FCGR2B: variants seen among roughly 807,000 people sequenced by gnomAD.
FCGR2B encodes the protein Fc gamma receptor IIb, also known as low affinity immunoglobulin gamma Fc region receptor II-b.
FCGR2B carries 18 observed loss-of-function variants against 24.8 expected under a neutral mutation model. That is an observed-to-expected ratio of 0.73 (90% CI 0.50 to 1.08). The LOEUF (loss-of-function observed/expected upper bound fraction) is 1.08. Ranked by LOEUF, FCGR2B falls within the 50% of genes least tolerant of loss-of-function variation. FCGR2B has a pLI of 0.00. For synonymous variants in FCGR2B, 79 were observed against 109.8 expected (o/e 0.72, Z 1.75); for missense variants, 215 against 297.6 (o/e 0.72, Z 2.04).
chr1:161,673,156 T>G lies in FCGR2B; in HGVS notation c.573T>G (p.Ser191Arg), dbSNP rs1172015720. 1 of 1,612,162 alleles carries G rather than the reference T, an allele frequency of 6.2e-7. No individual in the cohort carries two copies. The change falls in exon 4 of 8, where the codon AGT (serine) becomes AGG (arginine). Residue 191 changes from serine (S) to arginine (R), a missense_variant. Around this residue, in one of 5 missense-constraint regions of FCGR2B, gnomAD observed 16 missense variants for 46.6 expected, o/e 0.34. Coordinates refer to ENST00000358671, the MANE Select transcript of FCGR2B (RefSeq NM_001394477.1). Reference sequence around the variant, plus strand: ...TCCCACAAGCAAACCACAGTCACAGTGGTGATTACCACTGCACAGGAAACA... The same window carrying G: ...TCCCACAAGCAAACCACAGTCACAGGGGTGATTACCACTGCACAGGAAACA... ...FSIPQANHSH[S>R]GDYHCTGNIG...
chr1:161,677,299 C>G (rs1053234561), intron 6 of FCGR2B, 29 bp from the exon 7 acceptor site: 32 of 1,612,180 alleles, frequency 2.0e-5, no homozygotes, highest in Non-Finnish European at 2.6e-5. Flanking sequence ...CAGCAGTGCT[C>G]TGGCTGATAT....
At chr1:161,649,709 C>T in the FCGR2B span, among the ~76,000 whole-genome samples, 5 of 149,860 alleles carry the variant, frequency 3.3e-5, no homozygotes, top group South Asian at 4.3e-4. Context: ...TCTTGCACTT[C>T]GCAGCTTCTA....
upstream of FCGR2B, among the ~76,000 whole-genome samples, chr1:161,661,189 G>GGAAAGAAA (rs201423251): frequency 2.6e-3 from 182 of 70,374 alleles, no homozygotes; most frequent in East Asian, 0.012. Flanking sequence ...AAGGAAGAAA[G>GGAAAGAAA]GAAAGAAAGA....
upstream of FCGR2B, among the ~76,000 whole-genome samples, chr1:161,661,165 AGAAAGAAG>A (rs1378743325): frequency 1.6e-5 from 2 of 127,200 alleles, no homozygotes; most frequent in East Asian, 2.5e-4. Context: ...GAAGAAAGAA[AGAAAGAAG>A]GAAGGAAGGA....
At chr1:161,669,507 T>G (rs1681490233) in intron 1 of FCGR2B, among the ~76,000 whole-genome samples, 1 of 142,386 alleles carries the variant, frequency 7.0e-6, no homozygotes, top group Non-Finnish European at 1.6e-5. Context: ...GAGGCGGAGG[T>G]TGCAGTGAGC....
Position 161,671,420 on chromosome 1 carries a change from C to A in FCGR2B, c.162C>A (p.Leu54=), listed in dbSNP as rs181249089. 9 of 1,614,174 alleles carry A rather than the reference C, an allele frequency of 5.6e-6. No individual in the cohort carries two copies. In the South Asian group the frequency reaches 9.9e-5, roughly 18 times the overall value. The change falls in exon 3 of 8, where the codon CTC becomes CTA. Residue 54 remains leucine, a synonymous_variant. Coordinates refer to ENST00000358671, the MANE Select transcript of FCGR2B (RefSeq NM_001394477.1). ...PAAPPKAVLK[L]EPQWINVLQE... is the part of the protein sequence containing the mutation. The stretch of plus-strand genomic sequence containing the variant: ...CTCCCCCAAAGGCTGTGCTGAAACT[C>A]GAGCCCCAGTGGATCAACGTGCTCC...
chr1:161,671,343 G>A (rs752939906), intron 2 of FCGR2B, 49 bp from the exon 3 acceptor site: 9 of 1,613,940 alleles, frequency 5.6e-6, no homozygotes, highest in Non-Finnish European at 7.6e-6. Flanking sequence ...GGCCTCTCAA[G>A]CTCCTGGGCT....
upstream of FCGR2B, among the ~76,000 whole-genome samples, chr1:161,661,166 G>A (rs562577961): frequency 8.6e-6 from 1 of 116,832 alleles, no homozygotes; most frequent in Admixed American, 8.7e-5. Flanking sequence ...AAGAAAGAAA[G>A]AAAGAAGGAA....
At chr1:161,647,934 C>T in the FCGR2B span, among the ~76,000 whole-genome samples, 10 of 151,030 alleles carry the variant, frequency 6.6e-5, 1 homozygote, top group South Asian at 2.1e-4. Flanking sequence ...GACTCGTAGA[C>T]GACCCTTCGT....
Position 161,678,112 on chromosome 1 carries a change from G to A in FCGR2B, c.*559G>A, listed in dbSNP as rs1177427558. ...TTGGAGTGTAGACTGAACTGCCTGG[G>A]GTCTGTTTCTCTTCAGTGATGAGAC... On this transcript the variant is annotated 3_prime_UTR_variant, in exon 8 of 8. Transcript: ENST00000358671. The A allele has an allele frequency of 4.5e-6, 1 of 220,816 alleles. No homozygotes were observed. The highest frequency in any genetic ancestry group is 9.1e-6 in the Non-Finnish European group (1 of 110,406). 13.7% of individuals were successfully genotyped at this position (220,816 alleles called of 1,614,324 possible). A position where few individuals can be genotyped will look rare whatever the true frequency, so the allele number is the denominator to read the frequency against.
intron 4 of FCGR2B, chr1:161,673,584 C>T (rs980926707): frequency 4.9e-5 from 33 of 679,962 alleles, no homozygotes; most frequent in African/African-American, 2.5e-4. Flanking sequence ...CATGTTACAG[C>T]CATTCACTCC....
At chr1:161,671,257 G>A (rs537593810) in intron 2 of FCGR2B, 135 bp from the exon 3 acceptor site, 6 of 1,453,280 alleles carry the variant, frequency 4.1e-6, no homozygotes, top group Admixed American at 4.3e-5. Context: ...GCCTTCAGTT[G>A]CAGAACCATT....
At chr1:161,673,290 C>T (rs1031299771) in intron 4 of FCGR2B, 61 bp downstream of exon 4, 4 of 1,598,404 alleles carry the variant, frequency 2.5e-6, no homozygotes, top group East Asian at 4.5e-5. Flanking sequence ...GGGCTGAGGT[C>T]ACATGGGCCT....
At position 161,671,408 on chromosome 1, in the gene FCGR2B, T is replaced by C; in HGVS notation, c.150T>C (p.Ala50=). The C allele has an allele frequency of 6.2e-7, 1 of 1,614,194 alleles. No homozygotes were observed. The highest frequency in any genetic ancestry group is 8.5e-7 in the Non-Finnish European group (1 of 1,180,028). The change falls in exon 3 of 8, where the codon GCT becomes GCC. Residue 50 remains alanine (A), a synonymous_variant. Transcript: ENST00000358671. ...VAGTPAAPPK[A]VLKLEPQWIN... ...GCCCCTCAGCAGCTCCCCCAAAGGC[T>C]GTGCTGAAACTCGAGCCCCAGTGGA...
intron 6 of FCGR2B, chr1:161,677,046 G>A (rs1009066581): frequency 6.2e-6 from 3 of 481,118 alleles, no homozygotes; most frequent in Non-Finnish European, 1.1e-5. Context: ...AAGCCTCCCT[G>A]GTTTGCTTCT....
At chr1:161,671,366 T>G (rs531000103) in intron 2 of FCGR2B, 26 bp from the exon 3 acceptor site, 2 of 1,613,972 alleles carry the variant, frequency 1.2e-6, no homozygotes, top group South Asian at 1.1e-5. Flanking sequence ...CTCTTCTTCA[T>G]GCTACCTCCT....
the FCGR2B span, among the ~76,000 whole-genome samples, chr1:161,648,927 T>C: frequency 6.6e-6 from 1 of 150,980 alleles, no homozygotes; most frequent in Admixed American, 6.7e-5. Context: ...TTTAATATTA[T>C]ATTTCAATAA....
intron 3 of FCGR2B, chr1:161,672,643 C>T: frequency 2.3e-6 from 1 of 427,872 alleles, no homozygotes; most frequent in Non-Finnish European, 4.2e-6. Context: ...GTTCTTCCTG[C>T]AGAGGCCTGT....
intron 3 of FCGR2B, chr1:161,672,339 C>G (rs1344998958): frequency 6.3e-6 from 1 of 159,946 alleles, no homozygotes; most frequent in Non-Finnish European, 1.4e-5. Flanking sequence ...TGGCTTTTCA[C>G]TTAGTCCCCT....
Sources: gnomAD v4.1 joint callset for allele counts (sites outside exome capture counted in the v4.1 genomes callset) on GRCh38, gnomAD v4.1.1 for gene constraint, gnomAD v4.1.1 regional missense constraint, MANE v1.5 for transcripts, NCBI Gene and HGNC (gene_info 2026-07-23, HGNC 2026-07-21) for gene names.